The following KCTD13 variants were observed in gnomAD, a reference collection of about 807,000 sequenced individuals.
The protein encoded by KCTD13 is potassium channel tetramerization domain containing 13.
Under a neutral mutation model 32.3 loss-of-function variants are expected in KCTD13, and 15 were observed. That is an observed-to-expected ratio of 0.46 (90% CI 0.31 to 0.71). The LOEUF is 0.71. Among genes scored for constraint, KCTD13 ranks in the 30% least tolerant of loss-of-function variants. KCTD13 has a pLI of 0.05. For missense variants in KCTD13, 337 were observed against 452.6 expected (o/e 0.74, Z 2.32); for synonymous variants, 189 against 200.1 (o/e 0.94, Z 0.47).
At chr16:29,917,852 A>T (rs1483483549) in intron 2 of KCTD13, among the ~76,000 whole-genome samples, 2 of 152,058 alleles carry the variant, frequency 1.3e-5, no homozygotes, top group African/African-American at 4.8e-5. Flanking sequence ...GGAGGCTGAG[A>T]CATGAAAATT....
rs1465974094 is a variant in KCTD13, at chr16:29,911,946, C to CT, written c.504+13dup. On this transcript the variant is annotated intron_variant, in intron 3 of 5. Transcript: ENST00000568000. ...CCCAGTGAGCCTCCACCCTGCAGGG[C>CT]TTGGGGGCCTCACCTTGGAGGTGCT... 6.2e-7 allele frequency: 1 copy of CT among 1,610,256 alleles called. No individual in the cohort carries two copies. Among genetic ancestry groups the CT allele is most frequent in the African/African-American group, 1.3e-5 (1 of 74,756 alleles).
At chr16:29,913,521 T>G (rs2068754105) in intron 2 of KCTD13, 1 of 152,204 alleles carries the variant, frequency 6.6e-6, no homozygotes, top group South Asian at 2.1e-4. Flanking sequence ...ATTAACAATA[T>G]TTATTACTTC....
chr16:29,912,867 ATGAATGAACATATTTGTTGAG>A (rs1487259610), intron 2 of KCTD13, among the ~76,000 whole-genome samples: 1 of 152,230 alleles, frequency 6.6e-6, no homozygotes, highest in African/African-American at 2.4e-5. Context: ...TATTTGTTGA[ATGAATGAACATATTTGTTGAG>A]TGAATGAACT....
At chr16:29,925,617 T>C in intron 1 of KCTD13, 173 bp downstream of exon 1, 2 of 646,334 alleles carry the variant, frequency 3.1e-6, no homozygotes, top group Admixed American at 2.7e-5. Flanking sequence ...GAAGAGAAAT[T>C]ATGAATGAGA....
At chr16:29,917,727 C>T (rs1055507673) in intron 2 of KCTD13, among the ~76,000 whole-genome samples, 7 of 151,918 alleles carry the variant, frequency 4.6e-5, no homozygotes, top group African/African-American at 1.5e-4. Context: ...TGCAGTGAGC[C>T]GAGATCATGC....
At position 29,923,275 on chromosome 16, in the gene KCTD13, C is replaced by A. The variant is rs1163022394; in HGVS notation, c.329G>T (p.Ser110Ile). 6.2e-6 allele frequency: 10 copies of A among 1,614,224 alleles called. No homozygotes were observed. Among genetic ancestry groups the A allele is most frequent in the Non-Finnish European group, 8.5e-6 (10 of 1,180,048 alleles). ...CAGCAGCTCCCCCAGTTCTCTCGTACTCTCCGGCAGTGGCACAGACCCATC... is the reference window on the plus strand; with the variant it reads ...CAGCAGCTCCCCCAGTTCTCTCGTAATCTCCGGCAGTGGCACAGACCCATC... ...LRDGSVPLPESTRELGELLGE... is the reference protein window; with the variant it reads ...LRDGSVPLPEITRELGELLGE... The change falls in exon 2 of 6, where the codon AGT becomes ATT. Residue 110 changes from serine to isoleucine, a missense_variant. Coordinates refer to ENST00000568000, the MANE Select transcript of KCTD13 (RefSeq NM_178863.5).
chr16:29,921,848 G>C (rs922114440), intron 2 of KCTD13: 2 of 152,156 alleles, frequency 1.3e-5, no homozygotes, highest in Non-Finnish European at 2.9e-5. Flanking sequence ...GCAGGCGCCT[G>C]TAATTCTAGC....
At chr16:29,910,888 T>TG (rs2150834380) in intron 5 of KCTD13, 90 bp downstream of exon 5, 2 of 1,215,326 alleles carry the variant, frequency 1.6e-6, no homozygotes, top group South Asian at 2.9e-5. Flanking sequence ...CTCCTGGTGG[T>TG]GGGCTCCTTC....
chr16:29,925,458 A>C, intron 1 of KCTD13: 1 of 369,608 alleles, frequency 2.7e-6, no homozygotes, highest in Non-Finnish European at 5.1e-6. Context: ...CAGCAGGGCT[A>C]GTTCCCAAGT....
rs1258471962 is a variant in KCTD13, at chr16:29,925,853, C to T, written c.181G>A (p.Gly61Arg). ...ATGGCTTTGAGCATGGTGTCCTGTC[C>T]CGTGAGGGTGCGCAGCGTGGTGTAG... ...LHYTTLRTLTGQDTMLKAMFS... is the reference protein window; with the variant it reads ...LHYTTLRTLTRQDTMLKAMFS... The change falls in exon 1 of 6, where the codon GGA (glycine) becomes AGA (arginine). Residue 61 changes from glycine (G) to arginine (R), a missense_variant. Gly to Arg is a moderately radical substitution (Grantham distance 125). Coordinates refer to ENST00000568000, the MANE Select transcript of KCTD13 (RefSeq NM_178863.5). The T allele has an allele frequency of 3.1e-6, 5 of 1,613,936 alleles. No homozygotes were observed. The African/African-American group carries it at 5.3e-5, about 17-fold the overall frequency.
intron 2 of KCTD13, among the ~76,000 whole-genome samples, chr16:29,915,860 T>TA (rs1243969600): frequency 6.6e-6 from 1 of 152,226 alleles, no homozygotes; most frequent in Non-Finnish European, 1.5e-5. Flanking sequence ...GCCTTGTATT[T>TA]AATCTTTGCA....
At chr16:29,913,068 T>C (rs943677558) in intron 2 of KCTD13, 5 of 151,504 alleles carry the variant, frequency 3.3e-5, no homozygotes, top group African/African-American at 1.2e-4. Flanking sequence ...CAGAAACTCA[T>C]AAGACTCTCT....
In KCTD13 at chr16:29,911,031, C is replaced by T. The variant is rs2068698499; in HGVS notation, c.700G>A (p.Ala234Thr). The T allele has an allele frequency of 6.2e-7, 1 of 1,614,140 alleles. No homozygotes were observed. The highest frequency in any genetic ancestry group is 8.5e-7 in the Non-Finnish European group (1 of 1,180,010). Residue 234 changes from alanine to threonine, a missense_variant, in exon 5 of 6, where the codon GCC (alanine) becomes ACC (threonine). Physicochemically the swap from Ala to Thr is moderately conservative, Grantham distance 58 (BLOSUM62 0). Coordinates refer to ENST00000568000, the MANE Select transcript of KCTD13 (RefSeq NM_178863.5). Reference sequence around the variant, plus strand: ...ACAATGGAGGTGCAGCACACCTCGGCGATTTTGCGGCCCTGCCCGTAGAAA... The same window carrying T: ...ACAATGGAGGTGCAGCACACCTCGGTGATTTTGCGGCCCTGCCCGTAGAAA... ...WSFYGQGRKI[A>T]EVCCTSIVYA...
At chr16:29,910,684 T>C (rs550758304) in intron 5 of KCTD13, among the ~76,000 whole-genome samples, 1 of 152,262 alleles carries the variant, frequency 6.6e-6, no homozygotes, top group Non-Finnish European at 1.5e-5. Flanking sequence ...ATGGCAACTA[T>C]GGACCCCCTA....
At chr16:29,924,583 T>C (rs2068965607) in intron 1 of KCTD13, among the ~76,000 whole-genome samples, 1 of 152,218 alleles carries the variant, frequency 6.6e-6, no homozygotes, top group Admixed American at 6.5e-5. Flanking sequence ...ATATACATTT[T>C]GTTTACTTGC....
rs2068995142 is a variant in KCTD13, at chr16:29,926,156, G to A, written c.-123C>T. 2.6e-6 allele frequency: 3 copies of A among 1,146,736 alleles called. No homozygotes were observed. Among genetic ancestry groups the A allele is most frequent in the Non-Finnish European group, 3.5e-6 (3 of 861,744 alleles). 71.0% of individuals were successfully genotyped at this position (1,146,736 alleles called of 1,614,324 possible). ...CGCTCGGCGCACACGCCCACTCACC[G>A]CAGCTACTCTGCAAGACCGGCCCTC... is the stretch of plus-strand genomic sequence containing the variant. On this transcript the variant is annotated 5_prime_UTR_variant, in exon 1 of 6. Coordinates refer to ENST00000568000, the MANE Select transcript of KCTD13 (RefSeq NM_178863.5).
At position 29,906,875 on chromosome 16, in the gene KCTD13, G is replaced by A; in HGVS notation, c.987C>T (p.Asp329=). Residue 329 remains aspartate (D), a synonymous_variant, in exon 6 of 6, where the codon GAC becomes GAT. Transcript: ENST00000568000. ...RPHGQQIVFK[D] is the part of the protein sequence containing the mutation. ...AAGGCAGGGGGAGGGTCAGAGGTCA[G>A]TCCTTGAAGACAATTTGTTGGCCAT... 6.2e-7 allele frequency: 1 copy of A among 1,613,778 alleles called. No individual in the cohort carries two copies. Among genetic ancestry groups the A allele is most frequent in the Non-Finnish European group, 8.5e-7 (1 of 1,179,704 alleles).
At chr16:29,915,595 T>C (rs1440508166) in intron 2 of KCTD13, among the ~76,000 whole-genome samples, 1 of 148,552 alleles carries the variant, frequency 6.7e-6, no homozygotes, top group Admixed American at 6.8e-5. Context: ...GAGGTTGCAG[T>C]GAGCTATCTC....
intron 2 of KCTD13, 56 bp from the exon 3 acceptor site, chr16:29,912,105 A>G: frequency 8.2e-7 from 1 of 1,222,604 alleles, no homozygotes; most frequent in Non-Finnish European, 1.2e-6. Context: ...GTACTCCCCC[A>G]CTTAAAAGCC....
Sources: gnomAD v4.1 joint callset for allele counts (sites outside exome capture counted in the v4.1 genomes callset) on GRCh38, gnomAD v4.1.1 for gene constraint, MANE v1.5 for transcripts, NCBI Gene and HGNC (gene_info 2026-07-23, HGNC 2026-07-21) for gene names.